TBC1D32: variants seen among roughly 807,000 people sequenced by gnomAD.
TBC1D32 encodes TBC1 domain family member 32.
TBC1D32 carries 151 observed loss-of-function variants against 170.3 expected under a neutral mutation model. That is an observed-to-expected ratio of 0.89 (90% CI 0.78 to 1.01). The LOEUF (loss-of-function observed/expected upper bound fraction) is 1.01. Ranked by LOEUF, TBC1D32 falls within the 50% of genes least tolerant of loss-of-function variation. The pLI is 0.00. For missense variants in TBC1D32, 1,464 were observed against 1,457.1 expected, an observed-to-expected ratio of 1.00 and a Z score of -0.08; for synonymous variants, 498 against 488.0, an observed-to-expected ratio of 1.02 and a Z score of -0.27.
intron 26 of TBC1D32, 115 bp from the exon 27 acceptor site, chr6:121,115,356 AAC>A (rs1218874375): frequency 7.3e-5 from 48 of 660,078 alleles, no homozygotes; most frequent in Non-Finnish European, 1.0e-4. Context: ...GAATTTTGAA[AAC>A]ACTGATGAAT....
rs1160957311 is a variant in TBC1D32, at chr6:121,258,940, T to C, written c.1734-2655A>G. ...AGAAAATCTAACATTTTATGCCTTATCTGTTTAACTTCAATGTGAGGGAGA... is the reference window on the plus strand; with the variant it reads ...AGAAAATCTAACATTTTATGCCTTACCTGTTTAACTTCAATGTGAGGGAGA... On this transcript the variant is annotated intron_variant, in intron 15 of 31. Transcript: ENST00000398212. Among the ~76,000 whole-genome samples the C allele has an allele frequency of 2.0e-5, 3 of 151,456 alleles. No homozygotes were observed. In the East Asian group the frequency reaches 5.8e-4, roughly 29 times the overall value.
At chr6:121,110,356 T>C (rs1251557820) in intron 29 of TBC1D32, among the ~76,000 whole-genome samples, 2 of 151,710 alleles carry the variant, frequency 1.3e-5, no homozygotes, top group African/African-American at 2.4e-5. Flanking sequence ...GACACATCTA[T>C]GAACAAAACA....
intron 24 of TBC1D32, among the ~76,000 whole-genome samples, chr6:121,132,597 T>C (rs1172648071): frequency 6.6e-6 from 1 of 152,000 alleles, no homozygotes; most frequent in Admixed American, 6.5e-5. Context: ...TATGCTTTTC[T>C]CCTGTTAATC....
At chr6:121,160,301 A>C (rs572019435) in intron 23 of TBC1D32, among the ~76,000 whole-genome samples, 198 bp from the exon 24 acceptor site, 3 of 152,204 alleles carry the variant, frequency 2.0e-5, no homozygotes, top group Non-Finnish European at 2.9e-5. Context: ...CTGTAACAGA[A>C]ACAATATTAA....
chr6:121,182,668 T>C (rs929151992), intron 22 of TBC1D32, among the ~76,000 whole-genome samples: 3 of 152,054 alleles, frequency 2.0e-5, no homozygotes, highest in Non-Finnish European at 4.4e-5. Context: ...AATGGAAGTA[T>C]ACAGGTTATG....
Position 121,308,080 on chromosome 6 carries a change from T to C in TBC1D32, c.586A>G (p.Thr196Ala), listed in dbSNP as rs767746855. The change falls in exon 5 of 32, where the codon ACA becomes GCA. Residue 196 changes from threonine (T) to alanine (A), a missense_variant. This residue lies in a region of TBC1D32 where 1,363 missense variants were observed against 1,338.1 expected (regional missense o/e 1.02). Coordinates refer to ENST00000398212, the MANE Select transcript of TBC1D32 (RefSeq NM_152730.6). ...PKEVRYEALQ[T>A]LCSAPPSDVL... ...TCAGATGGAGGAGCTGAACATAATG[T>C]TTGCAAGGCTTCATATCTCACCTAC... 56 of 1,613,070 alleles carry C rather than the reference T, an allele frequency of 3.5e-5. No individual in the cohort carries two copies. The highest frequency in any genetic ancestry group is 4.6e-5 in the Non-Finnish European group (54 of 1,179,796).
In TBC1D32 at chr6:121,080,545, A is replaced by G; in HGVS notation, c.*226T>C. On this transcript the variant is annotated 3_prime_UTR_variant, in exon 32 of 32. Transcript: ENST00000398212. ...AACTCTTAAACATGAATAAGAACTA[A>G]AAGTAAGCTAGATCTGATTCTATAA... 2.0e-6 allele frequency: 1 copy of G among 491,848 alleles called. No homozygotes were observed. The highest frequency in any genetic ancestry group is 3.3e-6 in the Non-Finnish European group (1 of 301,334). The allele number at this position is 491,848 out of a possible 1,614,324, so 30.5% of individuals were successfully genotyped here. A position where few individuals can be genotyped will look rare whatever the true frequency, so the allele number is the denominator to read the frequency against.
intron 21 of TBC1D32, among the ~76,000 whole-genome samples, chr6:121,210,472 T>C (rs1467592888): frequency 6.6e-6 from 1 of 152,158 alleles, no homozygotes; most frequent in Non-Finnish European, 1.5e-5. Flanking sequence ...ACAAGAACCA[T>C]ATACTGGAAT....
intron 15 of TBC1D32, among the ~76,000 whole-genome samples, chr6:121,264,074 T>C (rs1474430931): frequency 6.6e-6 from 1 of 151,112 alleles, no homozygotes; most frequent in Non-Finnish European, 1.5e-5. Context: ...AGACAGGAAA[T>C]AACTAAGAAC....
chr6:121,325,270 C>A (rs1398240765), intron 1 of TBC1D32, among the ~76,000 whole-genome samples: 3 of 150,732 alleles, frequency 2.0e-5, no homozygotes, highest in Non-Finnish European at 4.4e-5. Context: ...CAACTAGGAA[C>A]CCAATGAATC....
chr6:121,178,167 T>C (rs999452222), intron 22 of TBC1D32, among the ~76,000 whole-genome samples: 2 of 152,152 alleles, frequency 1.3e-5, no homozygotes, highest in Non-Finnish European at 2.9e-5. Flanking sequence ...ACTGCGCCCA[T>C]GATTCAATTA....
At position 121,299,377 on chromosome 6, in the gene TBC1D32, T is replaced by A. The variant is rs1583636135; in HGVS notation, c.1140+69A>T. On this transcript the variant is annotated intron_variant, in intron 10 of 31. Coordinates refer to ENST00000398212, the MANE Select transcript of TBC1D32 (RefSeq NM_152730.6). The stretch of plus-strand genomic sequence containing the variant: ...ATTATCACCACACAACTTTGCATAG[T>A]CAAGTTATTACATCATATATATTCT... The A allele has an allele frequency of 6.4e-6, 9 of 1,411,274 alleles. No homozygotes were observed. The East Asian group carries it at 2.4e-4, about 37-fold the overall frequency. 87.4% of individuals were successfully genotyped at this position (1,411,274 alleles called of 1,614,324 possible). A position where few individuals can be genotyped will look rare whatever the true frequency, so the allele number is the denominator to read the frequency against.
intron 12 of TBC1D32, among the ~76,000 whole-genome samples, chr6:121,291,055 C>T (rs538852262): frequency 3.5e-4 from 53 of 151,664 alleles, no homozygotes; most frequent in South Asian, 1.2e-3. Context: ...TGTTAAATGA[C>T]GAGTTAATGG....
intron 11 of TBC1D32, 68 bp downstream of exon 11, chr6:121,294,502 T>C: frequency 8.5e-7 from 1 of 1,170,780 alleles, no homozygotes; most frequent in Non-Finnish European, 1.2e-6. Context: ...TAAAAGTTCC[T>C]ACTAAACTGT....
In TBC1D32 at chr6:121,219,694, C is replaced by T. The variant is rs549226167; in HGVS notation, c.2481+3542G>A. On this transcript the variant is annotated intron_variant, in intron 21 of 31. Coordinates refer to ENST00000398212, the MANE Select transcript of TBC1D32 (RefSeq NM_152730.6). ...ACTAACGATAAAACTACAGGCATAC[C>T]TTGTTTTATTGCATGTCACTTATTA... Among the ~76,000 whole-genome samples the T allele has an allele frequency of 5.9e-5, 9 of 152,270 alleles. No homozygotes were observed. The East Asian group carries it at 1.7e-3, about 29-fold the overall frequency.
chr6:121,292,215 A>C, intron 11 of TBC1D32, 22 bp from the exon 12 acceptor site: 1 of 1,568,136 alleles, frequency 6.4e-7, no homozygotes, highest in Non-Finnish European at 8.7e-7. Context: ...AGCAAACACG[A>C]ATATTTATTT....
intron 24 of TBC1D32, among the ~76,000 whole-genome samples, chr6:121,150,449 A>G (rs1295278263): frequency 6.6e-6 from 1 of 152,182 alleles, no homozygotes; most frequent in Non-Finnish European, 1.5e-5. Context: ...CATCAAGGAT[A>G]TTGGCCTGAA....
intron 22 of TBC1D32, among the ~76,000 whole-genome samples, chr6:121,197,654 G>A (rs997465039): frequency 1.3e-5 from 2 of 152,184 alleles, no homozygotes; most frequent in Non-Finnish European, 2.9e-5. Context: ...CTGAGTGTAA[G>A]AAGGATAGCT....
chr6:121,168,751 G>A lies in TBC1D32; in HGVS notation c.2571-7695C>T, dbSNP rs973326766. Among the ~76,000 whole-genome samples the A allele has an allele frequency of 2.2e-4, 23 of 105,062 alleles. No homozygotes were observed. The South Asian group carries it at 4.4e-3, about 20-fold the overall frequency. 68.9% of individuals were successfully genotyped at this position (105,062 alleles called of 152,430 possible). A position where few individuals can be genotyped will look rare whatever the true frequency, so the allele number is the denominator to read the frequency against. ...AAAAAAAAATCAACATGCAAAAATC[G>A]CTTGCATTCCTATACACCACCAACA... On this transcript the variant is annotated intron_variant, in intron 22 of 31. Transcript: ENST00000398212.
Sources: gnomAD v4.1 joint callset for allele counts (sites outside exome capture counted in the v4.1 genomes callset) on GRCh38, gnomAD v4.1.1 for gene constraint, gnomAD v4.1.1 regional missense constraint, MANE v1.5 for transcripts, NCBI Gene and HGNC (gene_info 2026-07-23, HGNC 2026-07-21) for gene names.